LRMDA: variants seen among roughly 807,000 people sequenced by gnomAD.
LRMDA encodes the protein leucine-rich melanocyte differentiation-associated protein.
LRMDA carries 18 observed loss-of-function variants against 29.8 expected under a neutral mutation model. That is an observed-to-expected ratio of 0.60 (90% CI 0.42 to 0.90). The LOEUF (loss-of-function observed/expected upper bound fraction) is 0.90. LRMDA is among the 40% of genes least tolerant of loss of function. The pLI is 0.00. For synonymous variants in LRMDA, 125 were observed against 109.4 expected, an observed-to-expected ratio of 1.14 and a Z score of -0.89; for missense variants, 273 against 273.9, an observed-to-expected ratio of 1.00 and a Z score of 0.02.
At chr10:75,559,626 G>C (rs1840264766) in intron 2 of LRMDA, among the ~76,000 whole-genome samples, 1 of 149,324 alleles carries the variant, frequency 6.7e-6, no homozygotes, top group South Asian at 2.2e-4. Context: ...GTCCTGAATG[G>C]TAATGCCTAG....
At chr10:76,223,213 ATATGTAGC>A (rs926842681) in intron 5 of LRMDA, among the ~76,000 whole-genome samples, 93 of 152,164 alleles carry the variant, frequency 6.1e-4, no homozygotes, top group African/African-American at 2.2e-3. Context: ...ACATGTATAC[ATATGTAGC>A]TAACCTGCAC....
intron 2 of LRMDA, among the ~76,000 whole-genome samples, chr10:75,950,335 C>T (rs1282428730): frequency 2.0e-5 from 3 of 152,194 alleles, no homozygotes; most frequent in Admixed American, 6.5e-5. Flanking sequence ...GCTTCCCTGT[C>T]CTTGAATATA....
intron 2 of LRMDA, among the ~76,000 whole-genome samples, chr10:75,652,062 G>A (rs1032452276): frequency 6.6e-6 from 1 of 152,146 alleles, no homozygotes; most frequent in African/African-American, 2.4e-5. Flanking sequence ...TGTTCTCAAA[G>A]CGAAATGTTG....
chr10:76,164,125 A>ATT lies in LRMDA; in HGVS notation c.516+105350_516+105351dup, dbSNP rs35217250. On this transcript the variant is annotated intron_variant, in intron 5 of 6. Coordinates refer to ENST00000611255, the MANE Select transcript of LRMDA (RefSeq NM_001305581.2). ...AGAAATCATTTAATTAAAATGTTTGATTTTTTTTTCCGATGAGAAATCAGA... is the reference window on the plus strand; with the variant it reads ...AGAAATCATTTAATTAAAATGTTTGATTTTTTTTTTTCCGATGAGAAATCAGA... Among the ~76,000 whole-genome samples, 13 of 151,672 alleles carry ATT rather than the reference A, an allele frequency of 8.6e-5. No individual in the cohort carries two copies. In the East Asian group the frequency reaches 1.4e-3, roughly 16 times the overall value.
intron 2 of LRMDA, among the ~76,000 whole-genome samples, chr10:75,629,822 A>G (rs1440391346): frequency 6.6e-6 from 1 of 152,196 alleles, no homozygotes; most frequent in Non-Finnish European, 1.5e-5. Context: ...GTCCTTTATT[A>G]TCTGCTTTGA....
At chr10:76,465,611 C>T (rs997867377) in intron 6 of LRMDA, among the ~76,000 whole-genome samples, 2 of 152,228 alleles carry the variant, frequency 1.3e-5, no homozygotes, top group African/African-American at 4.8e-5. Flanking sequence ...TGGACACTAG[C>T]GTATGAGTTA....
At chr10:76,062,862 C>T (rs371864712) in intron 5 of LRMDA, among the ~76,000 whole-genome samples, 2 of 152,072 alleles carry the variant, frequency 1.3e-5, no homozygotes, top group African/African-American at 2.4e-5. Context: ...AGAAAGAGCC[C>T]GCTAGTAACC....
At chr10:75,578,835 A>G (rs561802716) in intron 2 of LRMDA, among the ~76,000 whole-genome samples, 1 of 147,836 alleles carries the variant, frequency 6.8e-6, no homozygotes, top group Non-Finnish European at 1.5e-5. Context: ...TGTTCTTTGA[A>G]AAAAAAAAAA....
chr10:76,414,063 C>A (rs1453410218), intron 6 of LRMDA, among the ~76,000 whole-genome samples: 1 of 152,208 alleles, frequency 6.6e-6, no homozygotes. Context: ...TAAGCCCAAG[C>A]TTTCAAGCAC....
intron 2 of LRMDA, among the ~76,000 whole-genome samples, chr10:75,456,447 C>T (rs1265116387): frequency 6.6e-6 from 1 of 152,176 alleles, no homozygotes; most frequent in African/African-American, 2.4e-5. Flanking sequence ...AAGGCCAGCA[C>T]TTAGGGGTAC....
At chr10:75,701,796 A>T (rs1003875265) in intron 2 of LRMDA, among the ~76,000 whole-genome samples, 1 of 151,846 alleles carries the variant, frequency 6.6e-6, no homozygotes, top group African/African-American at 2.4e-5. Flanking sequence ...TGCTCTGGCC[A>T]CTCTAATAGC....
chr10:75,751,751 A>T (rs1322473292), intron 2 of LRMDA, among the ~76,000 whole-genome samples: 2 of 151,804 alleles, frequency 1.3e-5, no homozygotes, highest in Non-Finnish European at 2.9e-5. Context: ...AGACCCATCA[A>T]CATTATTAAA....
intron 2 of LRMDA, among the ~76,000 whole-genome samples, chr10:75,677,477 T>C (rs989224282): frequency 1.3e-5 from 2 of 152,192 alleles, no homozygotes; most frequent in Non-Finnish European, 2.9e-5. Context: ...TATTTCATTT[T>C]TTAAAAAAGC....
chr10:75,640,791 A>C (rs1014911918), intron 2 of LRMDA, among the ~76,000 whole-genome samples: 1 of 152,194 alleles, frequency 6.6e-6, no homozygotes, highest in Non-Finnish European at 1.5e-5. Context: ...AAACAAAACA[A>C]AACAAAACAA....
At chr10:75,691,140 C>CATACA (rs1842147195) in intron 2 of LRMDA, among the ~76,000 whole-genome samples, 2 of 83,218 alleles carry the variant, frequency 2.4e-5, no homozygotes, top group Non-Finnish European at 2.1e-5. Context: ...ATATATAGAT[C>CATACA]TATATATCTA....
chr10:76,083,132 G>C (rs1280054289), intron 5 of LRMDA, among the ~76,000 whole-genome samples: 1 of 152,164 alleles, frequency 6.6e-6, no homozygotes, highest in Admixed American at 6.5e-5. Flanking sequence ...CCTTCCCAGG[G>C]CTAGCCAATT....
intron 2 of LRMDA, among the ~76,000 whole-genome samples, chr10:76,013,717 C>A (rs946986911): frequency 1.3e-5 from 2 of 152,012 alleles, no homozygotes; most frequent in African/African-American, 4.8e-5. Flanking sequence ...CAAGCCACAC[C>A]ACCCATCTTA....
chr10:75,469,615 G>T (rs987768022), intron 2 of LRMDA, among the ~76,000 whole-genome samples: 1 of 151,970 alleles, frequency 6.6e-6, no homozygotes, highest in Non-Finnish European at 1.5e-5. Flanking sequence ...TTTGTTGAAG[G>T]GTGTGCCACC....
At chr10:76,540,780 T>A (rs1268564603) in intron 6 of LRMDA, among the ~76,000 whole-genome samples, 2 of 152,244 alleles carry the variant, frequency 1.3e-5, no homozygotes, top group African/African-American at 2.4e-5. Flanking sequence ...CATGTGTATT[T>A]GTTTTGTTTT....
Sources: gnomAD v4.1 joint callset for allele counts (sites outside exome capture counted in the v4.1 genomes callset) on GRCh38, gnomAD v4.1.1 for gene constraint, MANE v1.5 for transcripts, NCBI Gene and HGNC (gene_info 2026-07-23, HGNC 2026-07-21) for gene names.